Variants in IL1RAPL1 observed in about 807,000 individuals in gnomAD.
IL1RAPL1 encodes the protein interleukin-1 receptor accessory protein-like 1.
IL1RAPL1 carries 3 observed loss-of-function variants against 48.4 expected under a neutral mutation model. The ratio of observed to expected loss-of-function variants is 0.06; its 90% CI spans 0.03 to 0.16. The LOEUF is 0.16. IL1RAPL1 is among the 10% of genes least tolerant of loss of function. IL1RAPL1 has a pLI of 1.00. For synonymous variants in IL1RAPL1, 185 were observed against 187.7 expected, an observed-to-expected ratio of 0.99 and a Z score of 0.12; for missense variants, 349 against 530.6, an observed-to-expected ratio of 0.66 and a Z score of 3.36.
chrX:29,376,971 A>G (rs1039584226), intron 3 of IL1RAPL1, among the ~76,000 whole-genome samples: 1 of 111,564 alleles, frequency 9.0e-6, no homozygotes, highest in African/African-American at 3.3e-5. Context: ...ATCTCCCATT[A>G]TTGTTGTGTA....
intron 2 of IL1RAPL1, among the ~76,000 whole-genome samples, chrX:28,886,429 C>T (rs1601944788): frequency 1.8e-5 from 2 of 108,449 alleles, no homozygotes; most frequent in African/African-American, 6.7e-5. Context: ...GAGGATTGGT[C>T]TGTAGAGAAC....
intron 2 of IL1RAPL1, among the ~76,000 whole-genome samples, chrX:29,025,557 A>G (rs1926466154): frequency 8.9e-6 from 1 of 111,775 alleles, no homozygotes; most frequent in Admixed American, 9.5e-5. Flanking sequence ...TTATTTAATC[A>G]TTAAATACTT....
At chrX:29,892,935 G>A (rs1932298805) in intron 6 of IL1RAPL1, among the ~76,000 whole-genome samples, 2 of 112,046 alleles carry the variant, frequency 1.8e-5, no homozygotes, top group African/African-American at 6.5e-5. Flanking sequence ...GAAACATTGG[G>A]TATGTGGAAA....
intron 3 of IL1RAPL1, among the ~76,000 whole-genome samples, chrX:29,330,582 CTT>C (rs1283340285): frequency 1.9e-5 from 2 of 103,281 alleles, no homozygotes; most frequent in Non-Finnish European, 4.1e-5. Flanking sequence ...TGTTCTTTCT[CTT>C]TGTCTCTCCC....
intron 2 of IL1RAPL1, among the ~76,000 whole-genome samples, chrX:29,200,174 A>G (rs1464534989): frequency 9.0e-6 from 1 of 111,604 alleles, no homozygotes; most frequent in Non-Finnish European, 1.9e-5. Context: ...CCAACAGTCA[A>G]AAAGTCAGGT....
intron 2 of IL1RAPL1, among the ~76,000 whole-genome samples, chrX:28,943,279 G>T (rs1024153075): frequency 1.8e-5 from 2 of 109,744 alleles, no homozygotes; most frequent in Admixed American, 2.0e-4. Context: ...TTGGCAGGGG[G>T]ATAGAGAGAC....
chrX:28,745,236 G>A (rs993737223), intron 1 of IL1RAPL1, among the ~76,000 whole-genome samples: 14 of 111,628 alleles, frequency 1.3e-4, no homozygotes, highest in Admixed American at 3.8e-4. Flanking sequence ...TTTAGGGTAG[G>A]ACCCAGGGCA....
In IL1RAPL1 at chrX:29,352,623, C is replaced by G. The variant is rs193174738; in HGVS notation, c.363-43635C>G. The stretch of plus-strand genomic sequence containing the variant: ...TAACCAAGCCCCCACCCCCCATCCC[C>G]ATCTCTTTAGCCTCCTGCTACCATT... On this transcript the variant is annotated intron_variant, in intron 3 of 10. Transcript: ENST00000378993. 2.5e-3 allele frequency among the ~76,000 whole-genome samples: 263 copies of G among 105,296 alleles called. 1 individual carries two copies. Among genetic ancestry groups the G allele is most frequent in the African/African-American group, 8.7e-3 (251 of 28,763 alleles). The allele number at this position is 105,296 out of a possible 115,157, so 91.4% of individuals were successfully genotyped here. A position where few individuals can be genotyped will look rare whatever the true frequency, so the allele number is the denominator to read the frequency against.
intron 3 of IL1RAPL1, among the ~76,000 whole-genome samples, chrX:29,324,468 G>A (rs1932830754): frequency 9.0e-6 from 1 of 111,585 alleles, no homozygotes. Flanking sequence ...AGGCCTGTCT[G>A]TCCAGATTCT....
chrX:29,919,459 C>T (rs1000636610), intron 7 of IL1RAPL1, among the ~76,000 whole-genome samples: 2 of 112,225 alleles, frequency 1.8e-5, no homozygotes, highest in Non-Finnish European at 3.8e-5. Context: ...TATAGTTTCA[C>T]GTTCCTTCAA....
rs748980071 is a variant in IL1RAPL1, at chrX:29,788,955, CAAAG to C, written c.778+120456_778+120459del. Among the ~76,000 whole-genome samples the C allele has an allele frequency of 4.4e-3, 489 of 111,179 alleles. 3 individuals are homozygous for C. The highest frequency in any genetic ancestry group is 0.015 in the African/African-American group (462 of 30,671). ...TTGTCATAATTAACTGTATTTATGA[CAAAG>C]AAAGCAAAACAGAATAATTTAGATA... On this transcript the variant is annotated intron_variant, in intron 6 of 10. Transcript: ENST00000378993.
intron 2 of IL1RAPL1, among the ~76,000 whole-genome samples, chrX:29,178,808 A>G (rs1460367140): frequency 4.5e-5 from 5 of 112,018 alleles, no homozygotes; most frequent in African/African-American, 1.3e-4. Flanking sequence ...TCAGCTTTCT[A>G]CATATGGCTA....
intron 5 of IL1RAPL1, among the ~76,000 whole-genome samples, chrX:29,506,917 A>T (rs142030996): frequency 1.8e-5 from 2 of 110,631 alleles, no homozygotes; most frequent in African/African-American, 6.6e-5. Context: ...TCTCACTTTC[A>T]CTAGTTTGGA....
intron 1 of IL1RAPL1, among the ~76,000 whole-genome samples, chrX:28,771,406 G>C (rs1440349849): frequency 8.9e-6 from 1 of 112,410 alleles, no homozygotes; most frequent in African/African-American, 3.2e-5. Context: ...ATGCGTGATA[G>C]TAGCTGCTAG....
chrX:29,092,405 T>C (rs768283971), intron 2 of IL1RAPL1, among the ~76,000 whole-genome samples: 5 of 111,955 alleles, frequency 4.5e-5, no homozygotes, highest in Non-Finnish European at 7.5e-5. Context: ...TAGCACACTG[T>C]TTCCCAAACT....
chrX:29,673,315 A>G (rs181345505), intron 6 of IL1RAPL1, among the ~76,000 whole-genome samples: 1 of 111,937 alleles, frequency 8.9e-6, no homozygotes, highest in East Asian at 2.8e-4. Context: ...GTCATGTAAT[A>G]CTGTTGAGTC....
chrX:29,845,698 A>T, intron 6 of IL1RAPL1, among the ~76,000 whole-genome samples: 1 of 111,025 alleles, frequency 9.0e-6, no homozygotes, highest in Non-Finnish European at 1.9e-5. Flanking sequence ...CCATTATCAC[A>T]TTGCTATAAA....
chrX:29,570,214 A>AT lies in IL1RAPL1; in HGVS notation c.704-98211dup, dbSNP rs201533758. 2.7e-5 allele frequency among the ~76,000 whole-genome samples: 3 copies of AT among 112,526 alleles called. No homozygotes were observed. In the East Asian group the frequency reaches 8.3e-4, roughly 31 times the overall value. On this transcript the variant is annotated intron_variant, in intron 5 of 10. Coordinates refer to ENST00000378993, the MANE Select transcript of IL1RAPL1 (RefSeq NM_014271.4). ...TATCATGGGAAAACTTATCAAATGGATTTTTATTATCAAAAATAGCTGAGA... is the reference window on the plus strand; with the variant it reads ...TATCATGGGAAAACTTATCAAATGGATTTTTTATTATCAAAAATAGCTGAGA...
chrX:28,610,429 G>A (rs1256621020), intron 1 of IL1RAPL1, among the ~76,000 whole-genome samples: 1 of 112,227 alleles, frequency 8.9e-6, no homozygotes, highest in Non-Finnish European at 1.9e-5. Context: ...TGGGCATGCT[G>A]CCATGGCTAG....
Sources: gnomAD v4.1 joint callset for allele counts (sites outside exome capture counted in the v4.1 genomes callset) on GRCh38, gnomAD v4.1.1 for gene constraint, MANE v1.5 for transcripts, NCBI Gene and HGNC (gene_info 2026-07-23, HGNC 2026-07-21) for gene names.